The following LPO variants were observed in gnomAD, a reference collection of about 807,000 sequenced individuals.
The protein encoded by LPO is lactoperoxidase.
A neutral mutation model predicts 68.4 loss-of-function variants in LPO; 70 were observed. The ratio of observed to expected loss-of-function variants is 1.02; its 90% CI spans 0.84 to 1.25. The LOEUF (loss-of-function observed/expected upper bound fraction) is 1.25, where lower values mean the gene tolerates loss of function less well. Ranked by LOEUF, LPO falls within the 50% of genes most tolerant of loss-of-function variation. The probability of loss-of-function intolerance (pLI) is 0.00; values close to 1 mark genes in which losing one functional copy is unlikely to be tolerated. For missense variants in LPO, 873 were observed against 908.4 expected (o/e 0.96, Z 0.50); for synonymous variants, 360 against 357.6 (o/e 1.01, Z -0.08).
At chr17:58,251,808 G>A (rs865805469) in intron 7 of LPO, 7 of 537,290 alleles carry the variant, frequency 1.3e-5, no homozygotes, top group Middle Eastern at 6.2e-4. Context: ...ATAATTCCTG[G>A]CACATGGTAA....
At chr17:58,242,646 C>T (rs189407421) in intron 1 of LPO, among the ~76,000 whole-genome samples, 3 of 152,326 alleles carry the variant, frequency 2.0e-5, no homozygotes, top group Admixed American at 2.0e-4. Flanking sequence ...GTCCCACCTC[C>T]TCCCATAGCA....
chr17:58,263,702 T>A (rs1032255178), intron 9 of LPO, among the ~76,000 whole-genome samples: 1 of 151,992 alleles, frequency 6.6e-6, no homozygotes, highest in African/African-American at 2.4e-5. Flanking sequence ...ATGGCATCAC[T>A]GCATTCCAGC....
At chr17:58,248,950 G>A (rs1969902675) in intron 4 of LPO, 110 bp from the exon 5 acceptor site, 1 of 810,922 alleles carries the variant, frequency 1.2e-6, no homozygotes, top group African/African-American at 1.7e-5. Context: ...ACTTAGAATG[G>A]AATGCATTCC....
chr17:58,254,699 G>A (rs894638563), intron 8 of LPO, 112 bp from the exon 9 acceptor site: 11 of 1,022,448 alleles, frequency 1.1e-5, no homozygotes, highest in African/African-American at 3.2e-5. Flanking sequence ...GCTTGTTGAC[G>A]GGGCGGGGGG....
rs1186694625 is a variant in LPO, at chr17:58,254,909, C to G, written c.1204C>G (p.Pro402Ala). 1 of 1,613,994 alleles carries G rather than the reference C, an allele frequency of 6.2e-7. No homozygotes were observed. The highest frequency in any genetic ancestry group is 2.2e-5 in the East Asian group (1 of 44,888). Residue 402 changes from proline to alanine, a missense_variant, in exon 9 of 13, where the codon CCT (proline) becomes GCT (alanine). Physicochemically the swap from Pro to Ala is conservative, Grantham distance 27 (BLOSUM62 -1). Transcript: ENST00000262290. ...RLARELKRLN[P>A]QWDGEKLYQE... ...GGCCAGAGAACTAAAGAGACTCAAC[C>G]CTCAGTGGGATGGAGAGAAGCTCTA...
chr17:58,250,521 A>G lies in LPO; in HGVS notation c.680A>G (p.Asp227Gly). ...FMQWGQIVDH[D>G]LDFAPDTELG... ...CAGTGGGGTCAGATTGTGGATCATG[A>G]CCTGGACTTTGCCCCTGACACCGAG... is the stretch of plus-strand genomic sequence containing the variant. The change falls in exon 7 of 13, where the codon GAC becomes GGC. Residue 227 changes from aspartate (D) to glycine (G), a missense_variant. By Grantham distance (94) the Asp-to-Gly change is moderately conservative. Coordinates refer to ENST00000262290, the MANE Select transcript of LPO (RefSeq NM_006151.3). 2.5e-6 allele frequency: 4 copies of G among 1,614,036 alleles called. No individual in the cohort carries two copies. Among genetic ancestry groups the G allele is most frequent in the Non-Finnish European group, 3.4e-6 (4 of 1,180,008 alleles).
rs146398671 is a variant in LPO, at chr17:58,265,533, A to G, written c.1519+559A>G. Among the ~76,000 whole-genome samples the G allele has an allele frequency of 2.5e-4, 38 of 151,656 alleles. No homozygotes were observed. The East Asian group carries it at 7.4e-3, about 29-fold the overall frequency. On this transcript the variant is annotated intron_variant, in intron 10 of 12. Transcript: ENST00000262290. The stretch of plus-strand genomic sequence containing the variant: ...CAACGTTCCTCAGCAGAACATATGG[A>G]AGAAAAAGCTGACTCCATGAACTAG...
At chr17:58,252,827 T>A (rs1427878635) in intron 8 of LPO, among the ~76,000 whole-genome samples, 1 of 151,750 alleles carries the variant, frequency 6.6e-6, no homozygotes, top group Non-Finnish European at 1.5e-5. Flanking sequence ...ATCGAGACCA[T>A]CCTGGCTAAC....
At chr17:58,249,511 T>C in intron 5 of LPO, 55 bp from the exon 6 acceptor site, 1 of 1,582,468 alleles carries the variant, frequency 6.3e-7, no homozygotes, top group South Asian at 1.1e-5. Context: ...GGTCCTGGGC[T>C]TTGGAGCCCC....
intron 8 of LPO, chr17:58,254,553 G>A (rs1276607422): frequency 2.9e-6 from 1 of 346,492 alleles, no homozygotes. Context: ...ATTTTCATAG[G>A]TAAGGAGACC....
intron 10 of LPO, among the ~76,000 whole-genome samples, chr17:58,265,322 T>C (rs1466976996): frequency 1.3e-5 from 2 of 151,726 alleles, no homozygotes; most frequent in Non-Finnish European, 1.5e-5. Flanking sequence ...CTCTGACTTC[T>C]ACAGGGTTTG....
chr17:58,243,333 G>T (rs1260237854), intron 2 of LPO: 1 of 405,824 alleles, frequency 2.5e-6, no homozygotes, highest in Admixed American at 4.1e-5. Flanking sequence ...TTCACTGGGT[G>T]TCCTCTCCTC....
chr17:58,256,206 C>G (rs1394782101), intron 9 of LPO, among the ~76,000 whole-genome samples: 1 of 151,998 alleles, frequency 6.6e-6, no homozygotes, highest in Non-Finnish European at 1.5e-5. Context: ...GAGTAGTATT[C>G]CATGGTATGA....
At chr17:58,246,579 C>T (rs1423650115) in intron 3 of LPO, among the ~76,000 whole-genome samples, 2 of 152,144 alleles carry the variant, frequency 1.3e-5, no homozygotes, top group Admixed American at 1.3e-4. Context: ...GAGCCCAGGG[C>T]CGGGCGGGAA....
chr17:58,243,234 T>C (rs1969790785), intron 2 of LPO, 179 bp downstream of exon 2: 2 of 583,684 alleles, frequency 3.4e-6, no homozygotes, highest in Non-Finnish European at 6.0e-6. Flanking sequence ...CCTTTCTTCT[T>C]CCAGCTTCTG....
Position 58,268,341 on chromosome 17 carries a change from G to A in LPO, c.*347G>A. ...CTCTCACCTAGATTGTAAGCTCCCT[G>A]GGCCAGGACTTCAGCCTGCCTCCGA... On this transcript the variant is annotated 3_prime_UTR_variant, in exon 13 of 13. Coordinates refer to ENST00000262290, the MANE Select transcript of LPO (RefSeq NM_006151.3). The A allele has an allele frequency of 3.3e-6, 1 of 298,878 alleles. No homozygotes were observed. 18.5% of individuals were successfully genotyped at this position (298,878 alleles called of 1,614,324 possible).
intron 7 of LPO, chr17:58,250,921 G>T: frequency 2.6e-6 from 1 of 388,784 alleles, no homozygotes; most frequent in South Asian, 2.8e-5. Context: ...AGCAGAATGG[G>T]AACACTGGAG....
chr17:58,266,173 C>A lies in LPO; in HGVS notation c.1540C>A (p.Arg514=), dbSNP rs896635287. 6.2e-7 allele frequency: 1 copy of A among 1,613,714 alleles called. No homozygotes were observed. The highest frequency in any genetic ancestry group is 1.3e-5 in the African/African-American group (1 of 74,900). ...VKDGGIDPLV[R]GLLAKKSKLM... is the part of the protein sequence containing the mutation. ...GGCAGGTGGAATTGATCCTCTGGTG[C>A]GGGGCCTGCTGGCCAAGAAATCCAA... Residue 514 remains arginine, a synonymous_variant, in exon 11 of 13, where the codon CGG becomes AGG. Coordinates refer to ENST00000262290, the MANE Select transcript of LPO (RefSeq NM_006151.3).
At chr17:58,249,367 T>C in intron 5 of LPO, 190 bp downstream of exon 5, 2 of 947,934 alleles carry the variant, frequency 2.1e-6, no homozygotes, top group Non-Finnish European at 3.1e-6. Flanking sequence ...TGTGTGTCTC[T>C]GGAAGCGGCA....
Sources: gnomAD v4.1 joint callset for allele counts (sites outside exome capture counted in the v4.1 genomes callset) on GRCh38, gnomAD v4.1.1 for gene constraint, MANE v1.5 for transcripts, NCBI Gene and HGNC (gene_info 2026-07-23, HGNC 2026-07-21) for gene names.